Variants in ANO10 observed in about 807,000 individuals in gnomAD.
ANO10 encodes the protein anoctamin 10, also known as anoctamin-10.
In ANO10, 77 loss-of-function variants were observed where a neutral mutation model predicts 74.7. The ratio of observed to expected loss-of-function variants is 1.03; its 90% CI spans 0.86 to 1.25. The LOEUF (loss-of-function observed/expected upper bound fraction) is 1.25, where lower values mean the gene tolerates loss of function less well. ANO10 is among the 50% of genes most tolerant of loss of function. The pLI is 0.00. For missense variants in ANO10, 721 were observed against 778.1 expected, an observed-to-expected ratio of 0.93 and a Z score of 0.87; for synonymous variants, 279 against 284.9, an observed-to-expected ratio of 0.98 and a Z score of 0.21.
intron 6 of ANO10, 117 bp from the exon 7 acceptor site, chr3:43,574,981 G>T: frequency 1.3e-6 from 1 of 789,880 alleles, no homozygotes; most frequent in Admixed American, 1.9e-5. Context: ...GCCTCAGTCA[G>T]TAAATGTACT....
rs1559784191 is a variant in ANO10 at position 43,614,796 on chromosome 3, T to TGAAG, written c.-12+7112_-12+7113insCTTC. Among the ~76,000 whole-genome samples the TGAAG allele has an allele frequency of 2.3e-4, 32 of 138,266 alleles. 2 individuals carry two copies. The highest frequency in any genetic ancestry group is 5.7e-4 in the African/African-American group (22 of 38,708). The allele number at this position is 138,266 out of a possible 152,430, so 90.7% of individuals were successfully genotyped here. A position where few individuals can be genotyped will look rare whatever the true frequency, so the allele number is the denominator to read the frequency against. On this transcript the variant is annotated intron_variant, in intron 1 of 12. Coordinates refer to ENST00000292246, the MANE Select transcript of ANO10 (RefSeq NM_018075.5). ...CTATATATATATATATATATATATATATATATAGGTTCATTACAGTTTTTT... is the reference window on the plus strand; with the variant it reads ...CTATATATATATATATATATATATATGAAGATATATAGGTTCATTACAGTTTTTT...
chr3:43,652,116 C>CT (rs201295611), intron 1 of ANO10, among the ~76,000 whole-genome samples: 11,220 of 141,890 alleles, frequency 0.079, 705 homozygotes, highest in African/African-American at 0.17. Context: ...TCTTGGCCGC[C>CT]TTTTTTTTTT....
intron 11 of ANO10, among the ~76,000 whole-genome samples, chr3:43,453,045 T>C (rs1386414093): frequency 6.6e-6 from 1 of 152,216 alleles, no homozygotes; most frequent in Non-Finnish European, 1.5e-5. Flanking sequence ...TGAGTTTTAA[T>C]AGTTCTTTAA....
intron 11 of ANO10, chr3:43,472,531 T>G (rs761161226): frequency 3.3e-5 from 5 of 151,720 alleles, no homozygotes; most frequent in African/African-American, 4.8e-5. Context: ...CATGGTCAGT[T>G]ACAGATCGAA....
At chr3:43,443,946 T>C (rs912405467) in intron 11 of ANO10, among the ~76,000 whole-genome samples, 1 of 152,040 alleles carries the variant, frequency 6.6e-6, no homozygotes, top group Non-Finnish European at 1.5e-5. Flanking sequence ...CCTCCCAAAG[T>C]GCTGGGATTA....
At chr3:43,593,885 A>C (rs955637277) in intron 4 of ANO10, among the ~76,000 whole-genome samples, 14 of 152,204 alleles carry the variant, frequency 9.2e-5, no homozygotes, top group Admixed American at 7.8e-4. Flanking sequence ...GCAGAGACAC[A>C]CATAGGCTCA....
chr3:43,450,024 C>T (rs551952172), intron 11 of ANO10, among the ~76,000 whole-genome samples: 8 of 152,126 alleles, frequency 5.3e-5, no homozygotes, highest in Non-Finnish European at 1.2e-4. Context: ...CACCTAAGTA[C>T]TGCATTTTTT....
chr3:43,565,732 CAA>C lies in ANO10; in HGVS notation c.1219-7_1219-6del, dbSNP rs367784953. 17,897 of 1,224,218 alleles carry C rather than the reference CAA, an allele frequency of 0.015. No homozygotes were observed. Among genetic ancestry groups the C allele is most frequent in the East Asian group, 0.017 (576 of 33,288 alleles). 75.8% of individuals were successfully genotyped at this position (1,224,218 alleles called of 1,614,324 possible). A position where few individuals can be genotyped will look rare whatever the true frequency, so the allele number is the denominator to read the frequency against. On this transcript the variant is annotated splice_region_variant and splice_polypyrimidine_tract_variant and intron_variant, in intron 7 of 12. Coordinates refer to ENST00000292246, the MANE Select transcript of ANO10 (RefSeq NM_018075.5). ...AAAGCAATTGAGGAAGTTGAACTGCCAAAAAAAAAAAAAAAAAAGATAAGTGT... is the reference window on the plus strand; with the variant it reads ...AAAGCAATTGAGGAAGTTGAACTGCCAAAAAAAAAAAAAAAAGATAAGTGT...
In ANO10 at chr3:43,576,868, G is replaced by A. The variant is rs764440861; in HGVS notation, c.986C>T (p.Ser329Leu). Residue 329 changes from serine (S) to leucine (L), a missense_variant, in exon 6 of 13, where the codon TCA (serine) becomes TTA (leucine). Physicochemically the swap from Ser to Leu is moderately radical, Grantham distance 145. Transcript: ENST00000292246. ...GAAGTAAATCATCATGACATACAGT[G>A]AGAAATAGAGGCAGAGGCACACGAA... ...LPFVCLCLYF[S>L]LYVMMIYFDM... 3.1e-6 allele frequency: 5 copies of A among 1,614,190 alleles called. No homozygotes were observed. The highest frequency in any genetic ancestry group is 3.4e-6 in the Non-Finnish European group (4 of 1,180,030).
chr3:43,576,562 C>T (rs1332245219), intron 6 of ANO10, 130 bp downstream of exon 6: 3 of 882,668 alleles, frequency 3.4e-6, no homozygotes, highest in Non-Finnish European at 3.5e-6. Flanking sequence ...ATAAATTTTT[C>T]CTTATGTCTC....
At chr3:43,473,531 TCTGTTGACTTTTCTC>T (rs1291295754) in intron 11 of ANO10, among the ~76,000 whole-genome samples, 3 of 152,196 alleles carry the variant, frequency 2.0e-5, no homozygotes, top group African/African-American at 4.8e-5. Context: ...TTATTTGTTA[TCTGTTGACTTTTCTC>T]ATGTGTCAAT....
At chr3:43,563,808 CATAGAG>C (rs1224029748) in intron 8 of ANO10, among the ~76,000 whole-genome samples, 2 of 152,012 alleles carry the variant, frequency 1.3e-5, no homozygotes, top group East Asian at 3.9e-4. Flanking sequence ...AAGTTGATCT[CATAGAG>C]ATAGAGTGGG....
At chr3:43,675,874 C>T (rs1034200433) in intron 1 of ANO10, among the ~76,000 whole-genome samples, 2 of 152,098 alleles carry the variant, frequency 1.3e-5, no homozygotes, top group Non-Finnish European at 2.9e-5. Context: ...TTTTAAAAAA[C>T]AAAACATGCA....
At chr3:43,665,776 T>C (rs1410011975) in intron 1 of ANO10, among the ~76,000 whole-genome samples, 1 of 152,214 alleles carries the variant, frequency 6.6e-6, no homozygotes, top group Non-Finnish European at 1.5e-5. Flanking sequence ...TAAATGTAAT[T>C]ATATTATTCA....
intron 11 of ANO10, among the ~76,000 whole-genome samples, chr3:43,504,810 T>C (rs1042443075): frequency 6.6e-6 from 1 of 152,016 alleles, no homozygotes; most frequent in Non-Finnish European, 1.5e-5. Flanking sequence ...CTTGGCTAAT[T>C]TTTGTATTTT....
chr3:43,470,887 A>G (rs1181407816), intron 11 of ANO10, among the ~76,000 whole-genome samples: 1 of 152,082 alleles, frequency 6.6e-6, no homozygotes, highest in Non-Finnish European at 1.5e-5. Context: ...TCTGATTCCC[A>G]AAGTGCTGGG....
chr3:43,659,090 A>AAG (rs1251677783), intron 1 of ANO10, among the ~76,000 whole-genome samples: 1 of 152,206 alleles, frequency 6.6e-6, no homozygotes, highest in Non-Finnish European at 1.5e-5. Flanking sequence ...GGTCATTTCC[A>AAG]AGATGGCTGA....
intron 8 of ANO10, among the ~76,000 whole-genome samples, chr3:43,564,783 T>C (rs1208767655): frequency 6.6e-6 from 1 of 152,184 alleles, no homozygotes; most frequent in African/African-American, 2.4e-5. Flanking sequence ...CAATCTCCAC[T>C]TTTCTCAGAT....
chr3:43,442,314 A>G (rs1027024356), intron 11 of ANO10, among the ~76,000 whole-genome samples: 5 of 152,140 alleles, frequency 3.3e-5, no homozygotes, highest in African/African-American at 1.2e-4. Flanking sequence ...ATTAGAACTA[A>G]TAAATGAACT....
Sources: allele counts gnomAD v4.1 joint callset (sites outside exome capture counted in the v4.1 genomes callset), GRCh38; gene constraint gnomAD v4.1.1; transcripts MANE v1.5; gene names NCBI Gene and HGNC (gene_info 2026-07-23, HGNC 2026-07-21).